The following FBXL12 variants were observed in gnomAD, a reference collection of about 807,000 sequenced individuals.
FBXL12 encodes the protein F-box and leucine rich repeat protein 12.
Under a neutral mutation model 24.9 loss-of-function variants are expected in FBXL12, and 22 were observed. That is an observed-to-expected ratio of 0.88 (90% confidence interval 0.63 to 1.26). FBXL12 has a LOEUF of 1.26. Among genes scored for constraint, FBXL12 ranks in the 50% most tolerant of loss-of-function variants. FBXL12 has a pLI of 0.00. For synonymous variants in FBXL12, 193 were observed against 193.8 expected (o/e 1.00, Z 0.03); for missense variants, 384 against 434.1 (o/e 0.88, Z 1.03).
rs1426472460 is a variant in FBXL12, at chr19:9,811,458, C to G, written c.419G>C (p.Trp140Ser). 6.2e-7 allele frequency: 1 copy of G among 1,613,782 alleles called. No individual in the cohort carries two copies. The highest frequency in any genetic ancestry group is 1.7e-5 in the Admixed American group (1 of 60,002). Residue 140 changes from tryptophan to serine, a missense_variant, in exon 3 of 3, where the codon TGG becomes TCG. Transcript: ENST00000247977. The surrounding 1 kb of genome is among the most constrained non-coding windows in gnomAD (Gnocchi z 6.0). ...GGTGGGGTCCTGCTGCTTGTGGAGC[C>G]AGGCCATGGAGATCTCGCAGCTGTG... ...ELHSCEISMA[W>S]LHKQQDPTVL...
intron 2 of FBXL12, chr19:9,818,207 C>T (rs1372171125): frequency 4.6e-6 from 2 of 432,980 alleles, no homozygotes; most frequent in African/African-American, 2.0e-5. Flanking sequence ...GTCTCAAAAA[C>T]AAAACAAAAA....
At position 9,813,108 on chromosome 19, in the gene FBXL12, G is replaced by A. The variant is rs186952080; in HGVS notation, c.160-1391C>T. 532 of 514,300 alleles carry A rather than the reference G, an allele frequency of 1.0e-3. 4 individuals are homozygous for A. Among genetic ancestry groups the A allele is most frequent in the African/African-American group, 9.3e-3 (468 of 50,588 alleles). 31.9% of individuals were successfully genotyped at this position (514,300 alleles called of 1,614,324 possible). ...TATATCAAAGCCTGGTAGAGTGGAA[G>A]CTGCAAAAATCAACCCTGGGAAGTT... On this transcript the variant is annotated intron_variant, in intron 2 of 2. Coordinates refer to ENST00000247977, the MANE Select transcript of FBXL12 (RefSeq NM_017703.3).
chr19:9,811,070 G>A lies in FBXL12; in HGVS notation c.807C>T (p.Pro269=). 1.2e-6 allele frequency: 2 copies of A among 1,611,994 alleles called. No individual in the cohort carries two copies. Among genetic ancestry groups the A allele is most frequent in the Non-Finnish European group, 1.7e-6 (2 of 1,178,446 alleles). The change falls in exon 3 of 3, where the codon CCC becomes CCT. Residue 269 remains proline, a synonymous_variant. Coordinates refer to ENST00000247977, the MANE Select transcript of FBXL12 (RefSeq NM_017703.3). The surrounding 1 kb of genome is among the most constrained non-coding windows in gnomAD (Gnocchi z 6.0). ...AGGAGGAGAGGATTTCAGTGGGGGA[G>A]GGCATTTCTGGGGTGACGAGGGGAC... is the stretch of plus-strand genomic sequence containing the variant. ...LQGPLVTPEM[P]SPTEILSSCL...
Position 9,819,019 on chromosome 19 carries a change from C to T in FBXL12, c.-206G>A. On this transcript the variant is annotated 5_prime_UTR_variant, in exon 1 of 3. Coordinates refer to ENST00000247977, the MANE Select transcript of FBXL12 (RefSeq NM_017703.3). ...ACCAGCCTGGAAAGCGTGGCTGAGG[C>T]AGTGAGAGGCTTGCGGGAGGTGGCT... The T allele has an allele frequency of 1.7e-6, 1 of 596,866 alleles. No individual in the cohort carries two copies. The highest frequency in any genetic ancestry group is 3.0e-6 in the Non-Finnish European group (1 of 334,708). The allele number at this position is 596,866 out of a possible 1,614,324, so 37.0% of individuals were successfully genotyped here.
chr19:9,818,695 G>T (rs975028815), intron 1 of FBXL12, 33 bp downstream of exon 1: 2 of 1,543,830 alleles, frequency 1.3e-6, no homozygotes, highest in Non-Finnish European at 1.8e-6. Context: ...TGCGCCCTCC[G>T]CCCTGCCCTT....
At chr19:9,817,511 C>T (rs981306802) in intron 2 of FBXL12, among the ~76,000 whole-genome samples, 1 of 152,096 alleles carries the variant, frequency 6.6e-6, no homozygotes, top group Non-Finnish European at 1.5e-5. Context: ...CTCGCAAAAC[C>T]AACAACTAAG....
chr19:9,818,583 G>A lies in FBXL12; in HGVS notation c.121C>T (p.Arg41Trp), dbSNP rs2045935323. Residue 41 changes from arginine to tryptophan, a missense_variant, in exon 2 of 3, where the codon CGG becomes TGG. Transcript: ENST00000247977. Reference protein sequence around the residue: ...CHRWKRLVDDRWLWRHVDLTL... With the variant: ...CHRWKRLVDDWWLWRHVDLTL... ...AGGTCGACATGTCGCCACAGCCACC[G>A]GTCGTCCACCAGCCTCTTCCAGCGG... 1 of 1,554,556 alleles carries A rather than the reference G, an allele frequency of 6.4e-7. No homozygotes were observed.
chr19:9,813,998 C>T (rs2045821587), intron 2 of FBXL12: 1 of 152,218 alleles, frequency 6.6e-6, no homozygotes, highest in Admixed American at 6.5e-5. Flanking sequence ...TATCATCAAT[C>T]CTTCAGAAAG....
At chr19:9,815,519 AC>A (rs1192466234) in intron 2 of FBXL12, among the ~76,000 whole-genome samples, 1 of 151,914 alleles carries the variant, frequency 6.6e-6, no homozygotes, top group African/African-American at 2.4e-5. Flanking sequence ...GGGGGCTCTG[AC>A]CCCACATTTC....
In FBXL12 at chr19:9,811,946, T is replaced by C. The variant is rs2045764339; in HGVS notation, c.160-229A>G. 6.6e-6 allele frequency among the ~76,000 whole-genome samples: 1 copy of C among 151,506 alleles called. No individual in the cohort carries two copies. The highest frequency in any genetic ancestry group is 2.4e-5 in the African/African-American group (1 of 41,238). On this transcript the variant is annotated intron_variant, in intron 2 of 2. Coordinates refer to ENST00000247977, the MANE Select transcript of FBXL12 (RefSeq NM_017703.3). The surrounding 1 kb of genome is among the most constrained non-coding windows in gnomAD (Gnocchi z 6.0). ...TTGAACAAATCTTTTTTTTTTTTTT[T>C]TTTTCTGAGACAGGTTCTTGCTCTG... is the stretch of plus-strand genomic sequence containing the variant.
chr19:9,817,054 A>G (rs894778014), intron 2 of FBXL12, among the ~76,000 whole-genome samples: 5 of 152,206 alleles, frequency 3.3e-5, no homozygotes, highest in East Asian at 1.9e-4. Context: ...CCATGATTCA[A>G]TTACTTTCCC....
chr19:9,810,352 T>C lies in FBXL12; in HGVS notation c.*544A>G, dbSNP rs2045711510. On this transcript the variant is annotated 3_prime_UTR_variant, in exon 3 of 3. Coordinates refer to ENST00000247977, the MANE Select transcript of FBXL12 (RefSeq NM_017703.3). ...TACAGCATACAAAATACAGAAAATA[T>C]AATTGAGCACTTTTATGAGCATATC... 1 of 152,266 alleles carries C rather than the reference T, an allele frequency of 6.6e-6. No individual in the cohort carries two copies. The highest frequency in any genetic ancestry group is 1.5e-5 in the Non-Finnish European group (1 of 68,184). The allele number at this position is 152,266 out of a possible 1,614,324, so 9.4% of individuals were successfully genotyped here.
chr19:9,815,490 C>G (rs986232744), intron 2 of FBXL12, among the ~76,000 whole-genome samples: 49 of 152,156 alleles, frequency 3.2e-4, no homozygotes, highest in Non-Finnish European at 2.9e-5. Context: ...TAGGCAGTGA[C>G]CCAATAGGGA....
chr19:9,817,124 TG>T (rs1221150762), intron 2 of FBXL12, among the ~76,000 whole-genome samples: 1 of 152,020 alleles, frequency 6.6e-6, no homozygotes, highest in African/African-American at 2.4e-5. Flanking sequence ...GAGATTTGGG[TG>T]GGGACACAGC....
At chr19:9,813,627 A>G (rs113328226) in intron 2 of FBXL12, among the ~76,000 whole-genome samples, 54,745 of 150,438 alleles carry the variant, frequency 0.36, 14,210 homozygotes, top group African/African-American at 0.73. Flanking sequence ...TCAGCCTCCC[A>G]AGTAGCTGGT....
chr19:9,812,911 T>C (rs2145368991), intron 2 of FBXL12, among the ~76,000 whole-genome samples: 1 of 152,048 alleles, frequency 6.6e-6, no homozygotes, highest in East Asian at 1.9e-4. Context: ...CCGTCTCTAC[T>C]AAAAATACAA....
intron 2 of FBXL12, 39 bp downstream of exon 2, chr19:9,818,506 G>A (rs1453646117): frequency 6.5e-7 from 1 of 1,529,832 alleles, no homozygotes; most frequent in Non-Finnish European, 8.8e-7. Flanking sequence ...TCCGGGCACC[G>A]CGACCGCGGC....
chr19:9,814,204 C>T, intron 2 of FBXL12: 1 of 162,698 alleles, frequency 6.1e-6, no homozygotes, highest in Non-Finnish European at 1.3e-5. Context: ...TACATGGCGG[C>T]AGCAAGAGAA....
In FBXL12 at chr19:9,818,454, C is replaced by A; in HGVS notation, c.159+91G>T. 5.1e-6 allele frequency: 7 copies of A among 1,366,830 alleles called. No homozygotes were observed. In the South Asian group the frequency reaches 9.1e-5, roughly 18 times the overall value. 84.7% of individuals were successfully genotyped at this position (1,366,830 alleles called of 1,614,324 possible). A position where few individuals can be genotyped will look rare whatever the true frequency, so the allele number is the denominator to read the frequency against. ...CCTGGCTCTAAATCCCCAGCCCGGGCCCCGACACACAGTCCCAGGGTGGGA... is the reference window on the plus strand; with the variant it reads ...CCTGGCTCTAAATCCCCAGCCCGGGACCCGACACACAGTCCCAGGGTGGGA... On this transcript the variant is annotated intron_variant, in intron 2 of 2. Coordinates refer to ENST00000247977, the MANE Select transcript of FBXL12 (RefSeq NM_017703.3).
Sources: gnomAD v4.1 joint callset for allele counts (sites outside exome capture counted in the v4.1 genomes callset) on GRCh38, gnomAD v4.1.1 for gene constraint, Gnocchi (gnomAD v3.1) non-coding constraint, MANE v1.5 for transcripts, NCBI Gene and HGNC (gene_info 2026-07-23, HGNC 2026-07-21) for gene names.